PRKN: variants seen among roughly 807,000 people sequenced by gnomAD.
PRKN encodes E3 ubiquitin-protein ligase parkin.
A neutral mutation model predicts 59.5 loss-of-function variants in PRKN; 56 were observed. The ratio of observed to expected loss-of-function variants is 0.94; its 90% CI spans 0.76 to 1.18. PRKN has a LOEUF of 1.18. PRKN is among the 50% of genes most tolerant of loss of function. PRKN has a pLI of 0.00. For synonymous variants in PRKN, 250 were observed against 222.1 expected (o/e 1.13, Z -1.12); for missense variants, 657 against 596.4 (o/e 1.10, Z -1.06).
chr6:161,653,111 C>A lies in PRKN; in HGVS notation c.872-83695G>T, dbSNP rs141239553. Among the ~76,000 whole-genome samples the A allele has an allele frequency of 6.2e-4, 95 of 152,268 alleles. No individual in the cohort carries two copies. The East Asian group carries it at 0.017, about 27-fold the overall frequency. On this transcript the variant is annotated intron_variant, in intron 7 of 11. Coordinates refer to ENST00000366898, the MANE Select transcript of PRKN (RefSeq NM_004562.3). Reference sequence around the variant, plus strand: ...GGGCGCGGTGGCTTATGCCTGTAATCCCAGCACTTTGGGAGGCCGAGGTGG... The same window carrying A: ...GGGCGCGGTGGCTTATGCCTGTAATACCAGCACTTTGGGAGGCCGAGGTGG...
At chr6:161,351,330 A>ATT (rs1047342322) in intron 11 of PRKN, among the ~76,000 whole-genome samples, 2 of 144,902 alleles carry the variant, frequency 1.4e-5, no homozygotes, top group Non-Finnish European at 3.0e-5. Flanking sequence ...TATTATTTCT[A>ATT]TTTTTTTTTT....
At chr6:162,412,527 C>T (rs1157895135) in intron 2 of PRKN, among the ~76,000 whole-genome samples, 1 of 151,958 alleles carries the variant, frequency 6.6e-6, no homozygotes, top group Non-Finnish European at 1.5e-5. Context: ...CTTATATTAT[C>T]CTATTTTCCA....
At chr6:162,559,326 C>T (rs1779742493) in intron 1 of PRKN, among the ~76,000 whole-genome samples, 1 of 152,050 alleles carries the variant, frequency 6.6e-6, no homozygotes, top group Non-Finnish European at 1.5e-5. Flanking sequence ...AATTTTTGTT[C>T]TATCAAAACC....
intron 4 of PRKN, among the ~76,000 whole-genome samples, chr6:162,059,714 G>A (rs1216182371): frequency 1.3e-5 from 2 of 152,040 alleles, no homozygotes; most frequent in East Asian, 1.9e-4. Flanking sequence ...TAGTCTAATA[G>A]GAAAAATTTG....
chr6:162,380,896 C>T (rs1049024780), intron 2 of PRKN, among the ~76,000 whole-genome samples: 1 of 151,998 alleles, frequency 6.6e-6, no homozygotes, highest in African/African-American at 2.4e-5. Context: ...CTTTCTGGGC[C>T]ACTGTCAAGC....
chr6:162,539,034 G>C (rs1004072423), intron 1 of PRKN, among the ~76,000 whole-genome samples: 1 of 152,168 alleles, frequency 6.6e-6, no homozygotes, highest in South Asian at 2.1e-4. Context: ...GGGCTGTGAG[G>C]ACACATGAAG....
intron 1 of PRKN, among the ~76,000 whole-genome samples, chr6:162,537,596 T>G (rs919851046): frequency 6.6e-6 from 1 of 152,210 alleles, no homozygotes; most frequent in Admixed American, 6.5e-5. Context: ...GGGATCTCCC[T>G]GTCTCTGTAC....
At position 161,816,727 on chromosome 6, in the gene PRKN, C is replaced by CA. The variant is rs36108714; in HGVS notation, c.735-30820dup. Among the ~76,000 whole-genome samples, 1,359 of 141,458 alleles carry CA rather than the reference C, an allele frequency of 9.6e-3. 10 individuals are homozygous for CA. Among genetic ancestry groups the CA allele is most frequent in the Middle Eastern group, 0.023 (6 of 266 alleles). 92.8% of individuals were successfully genotyped at this position (141,458 alleles called of 152,430 possible). A position where few individuals can be genotyped will look rare whatever the true frequency, so the allele number is the denominator to read the frequency against. On this transcript the variant is annotated intron_variant, in intron 6 of 11. Coordinates refer to ENST00000366898, the MANE Select transcript of PRKN (RefSeq NM_004562.3). ...TGGGTGACAGAGTGAGACTCCATCT[C>CA]AAAAAAAAAAAAAAATTGTTCATGC...
Position 162,512,427 on chromosome 6 carries a change from T to C in PRKN, c.8-68954A>G, listed in dbSNP as rs73608436. 9.1e-3 allele frequency among the ~76,000 whole-genome samples: 1,380 copies of C among 152,306 alleles called. 16 individuals carry two copies. Among genetic ancestry groups the C allele is most frequent in the African/African-American group, 0.031 (1,296 of 41,556 alleles). ...TTAATGCTAGTCTCAATTACCAGCA[T>C]GCAACTCACATTTTCAGCTAAATCA... On this transcript the variant is annotated intron_variant, in intron 1 of 11. Coordinates refer to ENST00000366898, the MANE Select transcript of PRKN (RefSeq NM_004562.3).
intron 5 of PRKN, among the ~76,000 whole-genome samples, chr6:162,001,541 A>AT (rs1408549663): frequency 8.5e-6 from 1 of 117,034 alleles, no homozygotes; most frequent in African/African-American, 3.2e-5. Flanking sequence ...AGTTTGGGGG[A>AT]TTTTTTTGGT....
At chr6:162,061,896 A>C (rs528516929) in intron 4 of PRKN, among the ~76,000 whole-genome samples, 1 of 152,352 alleles carries the variant, frequency 6.6e-6, no homozygotes, top group African/African-American at 2.4e-5. Context: ...AAAATGAGTA[A>C]GATTTTTGAA....
At chr6:162,036,060 C>T (rs954356034) in intron 5 of PRKN, among the ~76,000 whole-genome samples, 1 of 152,006 alleles carries the variant, frequency 6.6e-6, no homozygotes, top group African/African-American at 2.4e-5. Context: ...CGCGGTGGCT[C>T]ACGCCTGTAA....
chr6:162,272,673 C>T (rs1023095547), intron 2 of PRKN, among the ~76,000 whole-genome samples: 9 of 152,010 alleles, frequency 5.9e-5, no homozygotes, highest in Non-Finnish European at 1.0e-4. Flanking sequence ...ACAACATCTG[C>T]GCAAGGTGTT....
At chr6:162,192,771 C>T (rs1784338077) in intron 4 of PRKN, among the ~76,000 whole-genome samples, 1 of 152,088 alleles carries the variant, frequency 6.6e-6, no homozygotes, top group Non-Finnish European at 1.5e-5. Context: ...GAGTAATATG[C>T]TTTTAACTTC....
At chr6:162,619,320 T>TA (rs569421458) in intron 1 of PRKN, among the ~76,000 whole-genome samples, 198 of 150,884 alleles carry the variant, frequency 1.3e-3, no homozygotes, top group African/African-American at 4.6e-3. Flanking sequence ...TTTTTAATTT[T>TA]TTTTTTTAGT....
chr6:161,473,599 G>A lies in PRKN; in HGVS notation c.1083+75255C>T, dbSNP rs1790904817. 6.6e-6 allele frequency among the ~76,000 whole-genome samples: 1 copy of A among 151,718 alleles called. No homozygotes were observed. Among genetic ancestry groups the A allele is most frequent in the Non-Finnish European group, 1.5e-5 (1 of 67,958 alleles). On this transcript the variant is annotated intron_variant, in intron 9 of 11. Transcript: ENST00000366898. This position sits in a 1 kb window ranked among gnomAD's most constrained non-coding sequence, Gnocchi z 4.1. ...TGGGGGGAATTGTGGCAGAAAATGG[G>A]GAGATATGGGTCAAAGCATACAAAG... is the stretch of plus-strand genomic sequence containing the variant.
chr6:162,046,872 A>C (rs1784270035), intron 5 of PRKN, among the ~76,000 whole-genome samples: 1 of 150,902 alleles, frequency 6.6e-6, no homozygotes, highest in Non-Finnish European at 1.5e-5. Context: ...TTCTGTAATA[A>C]AAATCTATCT....
At chr6:162,249,785 G>C (rs1267068880) in intron 3 of PRKN, among the ~76,000 whole-genome samples, 1 of 151,942 alleles carries the variant, frequency 6.6e-6, no homozygotes, top group Admixed American at 6.6e-5. Flanking sequence ...TAAAAAATAA[G>C]GCCATGTTTC....
At chr6:162,083,944 T>C (rs1269259450) in intron 4 of PRKN, among the ~76,000 whole-genome samples, 1 of 152,076 alleles carries the variant, frequency 6.6e-6, no homozygotes, top group Admixed American at 6.6e-5. Flanking sequence ...GAAGGAATGG[T>C]TACTAGAATT....
Sources: allele counts gnomAD v4.1 joint callset (sites outside exome capture counted in the v4.1 genomes callset), GRCh38; gene constraint gnomAD v4.1.1; non-coding constraint Gnocchi (gnomAD v3.1); transcripts MANE v1.5; gene names NCBI Gene and HGNC (gene_info 2026-07-23, HGNC 2026-07-21).